ZNF550: variants seen among roughly 807,000 people sequenced by gnomAD.
The protein encoded by ZNF550 is zinc finger protein 550.
Under a neutral mutation model 40.2 loss-of-function variants are expected in ZNF550, and 42 were observed. That is an observed-to-expected ratio of 1.05 (90% CI 0.82 to 1.35). ZNF550 has a LOEUF of 1.35. Among genes scored for constraint, ZNF550 ranks in the 40% most tolerant of loss-of-function variants. The pLI is 0.00. For missense variants in ZNF550, 549 were observed against 525.2 expected (o/e 1.05, Z -0.44); for synonymous variants, 223 against 198.6 (o/e 1.12, Z -1.03).
chr19:57,543,491 A>G (rs965049475), intron 4 of ZNF550: 1 of 480,610 alleles, frequency 2.1e-6, no homozygotes, highest in Non-Finnish European at 2.7e-6. Context: ...CCTCTGTGAC[A>G]TTTACTGATT....
At chr19:57,556,482 C>G in intron 1 of ZNF550, 125 bp from the exon 2 acceptor site, 1 of 1,289,624 alleles carries the variant, frequency 7.8e-7, no homozygotes, top group Non-Finnish European at 1.1e-6. Flanking sequence ...CTCCTTTGGG[C>G]TGACTTCCGT....
intron 4 of ZNF550, chr19:57,544,673 C>G: frequency 1.1e-6 from 1 of 885,048 alleles, no homozygotes; most frequent in Non-Finnish European, 1.4e-6. Flanking sequence ...TACATGCCCA[C>G]TATGAAAACA....
intron 4 of ZNF550, chr19:57,543,810 C>T (rs920644604): frequency 2.5e-6 from 1 of 398,286 alleles, no homozygotes; most frequent in Non-Finnish European, 3.4e-6. Context: ...TGGTGGTGGG[C>T]GCCTGTAATC....
exon 4 of ZNF550, chr19:57,547,387 G>C (rs767601529): frequency 1.2e-5 from 19 of 1,612,830 alleles, no homozygotes; most frequent in Non-Finnish European, 1.6e-5. Context: ...ACACTCATAG[G>C]GTTTCTCTCC....
intron 2 of ZNF550, chr19:57,552,973 A>G: frequency 2.4e-6 from 1 of 420,902 alleles, no homozygotes; most frequent in Non-Finnish European, 4.3e-6. Context: ...GAAGGTAATT[A>G]AAATTAAATG....
intron 1 of ZNF550, chr19:57,556,974 C>G (rs1449988676): frequency 6.6e-6 from 1 of 152,596 alleles, no homozygotes; most frequent in Non-Finnish European, 1.5e-5. Context: ...ATTCTCCCGT[C>G]TCGGGTACCC....
intron 4 of ZNF550, among the ~76,000 whole-genome samples, chr19:57,545,993 A>T (rs569868262): frequency 3.9e-5 from 6 of 152,298 alleles, no homozygotes; most frequent in African/African-American, 1.4e-4. Flanking sequence ...AGCCTGGGTG[A>T]CAGAGCAAGT....
upstream of ZNF550, among the ~76,000 whole-genome samples, chr19:57,561,229 C>T (rs922481667): frequency 6.6e-6 from 1 of 152,230 alleles, no homozygotes; most frequent in African/African-American, 2.4e-5. The surrounding 1 kb of genome is among the most constrained non-coding windows in gnomAD (Gnocchi z 4.9). Flanking sequence ...AGTATAAACA[C>T]CCTTTAACCT....
chr19:57,558,050 G>C (rs1010413455), intron 1 of ZNF550, among the ~76,000 whole-genome samples: 1 of 152,182 alleles, frequency 6.6e-6, no homozygotes, highest in African/African-American at 2.4e-5. Flanking sequence ...CAAAGGCTCA[G>C]GGAGCTTTAG....
chr19:57,546,342 G>A (rs1057090301), intron 4 of ZNF550: 5 of 270,650 alleles, frequency 1.8e-5, no homozygotes, highest in African/African-American at 2.4e-5. Flanking sequence ...GGCAGTGAAT[G>A]TATGTTAAAA....
exon 1 of ZNF550, chr19:57,559,826 C>T: frequency 4.4e-6 from 3 of 677,844 alleles, no homozygotes; most frequent in Non-Finnish European, 6.3e-6. Context: ...CCAACACGCC[C>T]CACCACAAAC....
intron 3 of ZNF550, among the ~76,000 whole-genome samples, chr19:57,550,340 G>C (rs1433894822): frequency 1.3e-5 from 2 of 152,180 alleles, no homozygotes; most frequent in African/African-American, 2.4e-5. Flanking sequence ...ACAGAAATGA[G>C]TGTTTATATC....
upstream of ZNF550, chr19:57,559,870 G>C: frequency 2.2e-6 from 1 of 463,434 alleles, no homozygotes; most frequent in Non-Finnish European, 3.6e-6. Context: ...TCCCGCCCCT[G>C]TGTCGCGGTC....
At chr19:57,549,822 C>T (rs1341315095) in intron 3 of ZNF550, among the ~76,000 whole-genome samples, 1 of 152,152 alleles carries the variant, frequency 6.6e-6, no homozygotes, top group Non-Finnish European at 1.5e-5. Flanking sequence ...TCTGCTGTGT[C>T]AGGAGGCACA....
intron 3 of ZNF550, among the ~76,000 whole-genome samples, chr19:57,548,920 G>A (rs895131601): frequency 2.6e-5 from 4 of 152,118 alleles, no homozygotes; most frequent in Non-Finnish European, 5.9e-5. Context: ...CCTATCATTT[G>A]CAACAACAGG....
upstream of ZNF550, among the ~76,000 whole-genome samples, chr19:57,561,289 A>C (rs1219474088): frequency 6.6e-6 from 1 of 152,228 alleles, no homozygotes; most frequent in Non-Finnish European, 1.5e-5. This position sits in a 1 kb window ranked among gnomAD's most constrained non-coding sequence, Gnocchi z 4.9. Flanking sequence ...AGTGGTCCTT[A>C]AAGAACCAAT....
At chr19:57,543,616 A>G (rs1240990295) in intron 4 of ZNF550, 1 of 985,284 alleles carries the variant, frequency 1.0e-6, no homozygotes, top group Admixed American at 6.1e-5. Context: ...TAAATGTAAC[A>G]AAGTTACAAA....
chr19:57,559,711 G>A lies in ZNF550; in HGVS notation c.-29C>T, dbSNP rs560863552. 3.4e-6 allele frequency: 5 copies of A among 1,465,836 alleles called. No individual in the cohort carries two copies. The Admixed American group carries it at 6.2e-5, about 18-fold the overall frequency. 90.8% of individuals were successfully genotyped at this position (1,465,836 alleles called of 1,614,324 possible). On this transcript the variant is annotated 5_prime_UTR_variant, in exon 1 of 5. Coordinates refer to ENST00000457177, the Ensembl canonical transcript of ZNF550. ...ACCGTTGGCAGGACGAGGCCGCGTG[G>A]GGCAGCTCCCACGGGCTCAAAACCC...
At chr19:57,543,845 G>A in intron 4 of ZNF550, 1 of 550,702 alleles carries the variant, frequency 1.8e-6, no homozygotes, top group Non-Finnish European at 2.3e-6. Context: ...GGCTGAGGCA[G>A]GAGAATCCCT....
Sources: gnomAD v4.1 joint callset for allele counts (sites outside exome capture counted in the v4.1 genomes callset) on GRCh38, gnomAD v4.1.1 for gene constraint, Gnocchi (gnomAD v3.1) non-coding constraint, MANE v1.5 for transcripts, NCBI Gene and HGNC (gene_info 2026-07-23, HGNC 2026-07-21) for gene names.